PFKFB2: variants seen among roughly 807,000 people sequenced by gnomAD.
The protein encoded by PFKFB2 is 6-phosphofructo-2-kinase/fructose-2,6-bisphosphatase 2.
PFKFB2 carries 53 observed loss-of-function variants against 68.0 expected under a neutral mutation model. That is an observed-to-expected ratio of 0.78 (90% CI 0.63 to 0.98). The LOEUF is 0.98. Ranked by LOEUF, PFKFB2 falls within the 50% of genes least tolerant of loss-of-function variation. The pLI is 0.00. For synonymous variants in PFKFB2, 222 were observed against 227.6 expected (o/e 0.98, Z 0.22); for missense variants, 451 against 642.0 (o/e 0.70, Z 3.22).
intron 2 of PFKFB2, among the ~76,000 whole-genome samples, chr1:207,043,017 A>C (rs1469588051): frequency 6.6e-6 from 1 of 152,036 alleles, no homozygotes; most frequent in Non-Finnish European, 1.5e-5. Context: ...ACGATTCCCA[A>C]ACTTTTTTTT....
intron 1 of PFKFB2, among the ~76,000 whole-genome samples, chr1:207,053,614 G>T (rs1222833787): frequency 2.6e-5 from 4 of 152,252 alleles, no homozygotes; most frequent in East Asian, 3.9e-4. Flanking sequence ...CTGAATTGGG[G>T]GCATGAGCTC....
upstream of PFKFB2, chr1:207,048,699 C>T (rs1214499439): frequency 8.0e-6 from 2 of 249,468 alleles, no homozygotes; most frequent in African/African-American, 4.5e-5. Context: ...CTTTCTTCTA[C>T]AAGTTAAAGC....
At chr1:207,036,187 G>T (rs930539386) in intron 1 of PFKFB2, among the ~76,000 whole-genome samples, 18 of 152,144 alleles carry the variant, frequency 1.2e-4, no homozygotes, top group African/African-American at 4.3e-4. Flanking sequence ...ATTTGGAGGG[G>T]ACAGAACATT....
chr1:207,036,153 T>TTCAACA (rs1375860857), intron 1 of PFKFB2, among the ~76,000 whole-genome samples: 8 of 152,052 alleles, frequency 5.3e-5, no homozygotes, highest in Non-Finnish European at 1.2e-4. Context: ...ACCTCCAACT[T>TTCAACA]TGGAGGTCAC....
At chr1:207,065,840 C>T (rs962127620) in intron 8 of PFKFB2, among the ~76,000 whole-genome samples, 1 of 152,174 alleles carries the variant, frequency 6.6e-6, no homozygotes, top group Non-Finnish European at 1.5e-5. Flanking sequence ...CCTGTGACAA[C>T]CAAAATGTCT....
At chr1:207,058,592 T>A (rs1682997727) in intron 2 of PFKFB2, among the ~76,000 whole-genome samples, 1 of 152,246 alleles carries the variant, frequency 6.6e-6, no homozygotes, top group African/African-American at 2.4e-5. Flanking sequence ...AGTCCTCATT[T>A]TTTTTGTAAA....
At chr1:207,035,718 C>G (rs554331297) in intron 1 of PFKFB2, among the ~76,000 whole-genome samples, 3 of 152,048 alleles carry the variant, frequency 2.0e-5, no homozygotes, top group Non-Finnish European at 2.9e-5. Context: ...GCTCATGATT[C>G]TACAGGCTGT....
Position 207,075,344 on chromosome 1 carries a change from G to A in PFKFB2, c.*2973G>A, listed in dbSNP as rs572713416. On this transcript the variant is annotated 3_prime_UTR_variant, in exon 15 of 15. Coordinates refer to ENST00000367080, the MANE Select transcript of PFKFB2 (RefSeq NM_006212.2). ...TGGAATTTGGCAAGCAAGGGCTTCAGCATCCTTTAGTTTCTAAAGCAAGAT... is the reference window on the plus strand; with the variant it reads ...TGGAATTTGGCAAGCAAGGGCTTCAACATCCTTTAGTTTCTAAAGCAAGAT... The A allele has an allele frequency of 6.2e-4, 615 of 985,350 alleles. No homozygotes were observed. Among genetic ancestry groups the A allele is most frequent in the Non-Finnish European group, 7.1e-4 (590 of 829,954 alleles). The allele number at this position is 985,350 out of a possible 1,614,324, so 61.0% of individuals were successfully genotyped here.
At chr1:207,035,670 C>A (rs1162160768) in intron 1 of PFKFB2, among the ~76,000 whole-genome samples, 2 of 148,840 alleles carry the variant, frequency 1.3e-5, no homozygotes, top group African/African-American at 5.2e-5. Context: ...AACAAACAAA[C>A]AAACAAAAAA....
intron 1 of PFKFB2, among the ~76,000 whole-genome samples, chr1:207,037,553 G>A (rs1217400626): frequency 2.6e-5 from 4 of 152,156 alleles, no homozygotes; most frequent in African/African-American, 9.6e-5. Flanking sequence ...ATGCCTACAT[G>A]ATCTCTGCTT....
chr1:207,061,615 G>A (rs1683119279), intron 2 of PFKFB2, among the ~76,000 whole-genome samples: 2 of 152,148 alleles, frequency 1.3e-5, no homozygotes, highest in Admixed American at 6.5e-5. Context: ...GGGGCTGGGC[G>A]CCTCACGCCT....
Position 207,063,942 on chromosome 1 carries a change from G to A in PFKFB2, c.507+113G>A. ...TGTTGGGGAGGGGTGTTTTCGTAAT[G>A]AAAGAGAGAAATAGACATGTTTAAC... On this transcript the variant is annotated intron_variant, in intron 7 of 14. Transcript: ENST00000367080. This position sits in a 1 kb window ranked among gnomAD's most constrained non-coding sequence, Gnocchi z 4.1. 1.3e-6 allele frequency: 1 copy of A among 770,216 alleles called. No homozygotes were observed. Among genetic ancestry groups the A allele is most frequent in the Non-Finnish European group, 2.3e-6 (1 of 436,484 alleles). 47.7% of individuals were successfully genotyped at this position (770,216 alleles called of 1,614,324 possible).
rs568062478 is a variant in PFKFB2, at chr1:207,076,252, C to CT, written c.*3897dup. The CT allele has an allele frequency of 0.054, 46,263 of 855,918 alleles. 31 individuals are homozygous for CT. The highest frequency in any genetic ancestry group is 0.057 in the Non-Finnish European group (41,181 of 725,132). The allele number at this position is 855,918 out of a possible 1,614,324, so 53.0% of individuals were successfully genotyped here. ...AATTCATCTATGTTACTTTTTTTTT[C>CT]TTTTTTTTTTTTTTTTATGAGCAGG... On this transcript the variant is annotated 3_prime_UTR_variant, in exon 15 of 15. Coordinates refer to ENST00000367080, the MANE Select transcript of PFKFB2 (RefSeq NM_006212.2).
intron 1 of PFKFB2, among the ~76,000 whole-genome samples, chr1:207,037,318 T>C (rs995968330): frequency 6.6e-6 from 1 of 152,208 alleles, no homozygotes; most frequent in Admixed American, 6.5e-5. Context: ...CCCTCAGTTA[T>C]CCTTGGTGGC....
chr1:207,037,710 A>G lies in PFKFB2; in HGVS notation c.-62+3238A>G, dbSNP rs11579764. Among the ~76,000 whole-genome samples, 1,217 of 152,322 alleles carry G rather than the reference A, an allele frequency of 8.0e-3. 9 individuals are homozygous for G. Among genetic ancestry groups the G allele is most frequent in the Non-Finnish European group, 0.014 (975 of 68,024 alleles). On this transcript the variant is annotated intron_variant, in intron 1 of 5. Transcript: ENST00000545806. ...GATTGAGTAAATATTATTCCACATC[A>G]CCAATTCTTGGAGATCCTATCTCTA...
rs1453847794 is a variant in PFKFB2 at position 207,074,836 on chromosome 1, C to T, written c.*2465C>T. 1.0e-6 allele frequency: 1 copy of T among 985,268 alleles called. No individual in the cohort carries two copies. The allele number at this position is 985,268 out of a possible 1,614,324, so 61.0% of individuals were successfully genotyped here. On this transcript the variant is annotated 3_prime_UTR_variant, in exon 15 of 15. Transcript: ENST00000367080. ...CAGTCTGAGTCTAGAAGTGTTCAAC[C>T]ATCACATCGCTTCTCCTGACTTTTC...
At chr1:207,071,088 A>T (rs891037193) in intron 12 of PFKFB2, 100 bp from the exon 13 acceptor site, 19 of 955,940 alleles carry the variant, frequency 2.0e-5, no homozygotes, top group Non-Finnish European at 3.2e-5. Flanking sequence ...GGTCAAAGTA[A>T]GGGAAACTCA....
upstream of PFKFB2, chr1:207,051,193 TA>T: frequency 3.7e-6 from 5 of 1,360,588 alleles, no homozygotes; most frequent in Non-Finnish European, 4.8e-6. Context: ...CGGGTCTTGC[TA>T]CCTATAGAGC....
At chr1:207,058,943 C>T (rs1435201801) in intron 2 of PFKFB2, among the ~76,000 whole-genome samples, 1 of 152,218 alleles carries the variant, frequency 6.6e-6, no homozygotes, top group Non-Finnish European at 1.5e-5. Flanking sequence ...TACATTGTCT[C>T]TGAAATTAAT....
Sources: gnomAD v4.1 joint callset for allele counts (sites outside exome capture counted in the v4.1 genomes callset) on GRCh38, gnomAD v4.1.1 for gene constraint, Gnocchi (gnomAD v3.1) non-coding constraint, MANE v1.5 for transcripts, NCBI Gene and HGNC (gene_info 2026-07-23, HGNC 2026-07-21) for gene names.